AUTS2: variants seen among roughly 807,000 people sequenced by gnomAD.
AUTS2 encodes activator of transcription and developmental regulator AUTS2.
A neutral mutation model predicts 112.4 loss-of-function variants in AUTS2; 17 were observed. The ratio of observed to expected loss-of-function variants is 0.15; its 90% confidence interval spans 0.10 to 0.23. The LOEUF is 0.23. Ranked by LOEUF, AUTS2 falls within the 10% of genes least tolerant of loss-of-function variation. The pLI is 1.00. For missense variants in AUTS2, 1,510 were observed against 1,701.6 expected (o/e 0.89, Z 1.98); for synonymous variants, 751 against 702.7 (o/e 1.07, Z -1.09).
intron 4 of AUTS2, among the ~76,000 whole-genome samples, chr7:70,424,822 A>T (rs954200027): frequency 6.6e-6 from 1 of 152,132 alleles, no homozygotes; most frequent in Non-Finnish European, 1.5e-5. Context: ...TCTGGGCTCA[A>T]GAGATCATCC....
chr7:70,012,100 A>G (rs1174044718), intron 2 of AUTS2, among the ~76,000 whole-genome samples: 3 of 152,154 alleles, frequency 2.0e-5, no homozygotes, highest in Non-Finnish European at 2.9e-5. Flanking sequence ...TACTTTCTGC[A>G]AAGCGTTGAT....
chr7:70,030,923 A>G (rs1800747901), intron 2 of AUTS2, among the ~76,000 whole-genome samples: 1 of 152,082 alleles, frequency 6.6e-6, no homozygotes. Context: ...CTTGGGTTGT[A>G]TGGGACCATG....
chr7:70,330,448 T>C (rs1790689647), intron 4 of AUTS2, among the ~76,000 whole-genome samples: 1 of 152,262 alleles, frequency 6.6e-6, no homozygotes, highest in Admixed American at 6.5e-5. Flanking sequence ...CATATGGGTT[T>C]ATTTCTCAAC....
chr7:69,859,195 C>G (rs1214626965), intron 1 of AUTS2, among the ~76,000 whole-genome samples: 1 of 152,068 alleles, frequency 6.6e-6, no homozygotes, highest in Non-Finnish European at 1.5e-5. Flanking sequence ...TAAAATTACT[C>G]CAGTGGGATA....
At chr7:70,597,194 C>T (rs1803250922) in intron 5 of AUTS2, among the ~76,000 whole-genome samples, 1 of 152,134 alleles carries the variant, frequency 6.6e-6, no homozygotes, top group South Asian at 2.1e-4. Flanking sequence ...GATGTAACAG[C>T]TTGGGCCAAG....
chr7:70,607,559 A>T (rs1421318319), intron 5 of AUTS2, among the ~76,000 whole-genome samples: 2 of 152,166 alleles, frequency 1.3e-5, no homozygotes, highest in African/African-American at 4.8e-5. Flanking sequence ...ATGCTGGGTG[A>T]TTTCTACCTG....
chr7:70,252,679 C>T (rs1304683616), intron 4 of AUTS2, among the ~76,000 whole-genome samples: 3 of 151,972 alleles, frequency 2.0e-5, no homozygotes, highest in South Asian at 2.1e-4. Flanking sequence ...TGTTGTGGAA[C>T]GTTTTCCTAT....
At chr7:69,978,243 C>T (rs559261586) in intron 2 of AUTS2, among the ~76,000 whole-genome samples, 58 of 152,328 alleles carry the variant, frequency 3.8e-4, no homozygotes, top group African/African-American at 1.4e-3. Context: ...CATACATTTG[C>T]ATCTTCATAC....
At chr7:70,756,048 A>T (rs894041141) in intron 6 of AUTS2, among the ~76,000 whole-genome samples, 2 of 152,178 alleles carry the variant, frequency 1.3e-5, no homozygotes, top group Admixed American at 6.5e-5. Context: ...CAATATGAGA[A>T]TTAAAGTCAA....
At chr7:70,625,420 G>A (rs2057914) in intron 5 of AUTS2, among the ~76,000 whole-genome samples, 138,559 of 152,294 alleles carry the variant, frequency 0.91, 63,224 homozygotes, top group African/African-American at 0.96. Flanking sequence ...ATACTTGACA[G>A]TCACAGCTCT....
At chr7:70,571,756 C>T (rs1027026047) in intron 5 of AUTS2, among the ~76,000 whole-genome samples, 5 of 152,142 alleles carry the variant, frequency 3.3e-5, no homozygotes, top group Non-Finnish European at 4.4e-5. Context: ...AAGGGGAGGA[C>T]GTGTCAGCCC....
intron 4 of AUTS2, among the ~76,000 whole-genome samples, chr7:70,256,630 G>A (rs910261677): frequency 2.0e-5 from 3 of 152,164 alleles, no homozygotes; most frequent in Non-Finnish European, 4.4e-5. Flanking sequence ...ACACATCACC[G>A]TGGCTGACCA....
chr7:69,771,409 T>C (rs144797812), intron 1 of AUTS2, among the ~76,000 whole-genome samples: 2 of 152,268 alleles, frequency 1.3e-5, no homozygotes, highest in East Asian at 3.9e-4. Context: ...GGCACAGTGT[T>C]GAACACGGGG....
At chr7:70,744,567 G>C (rs1788321850) in intron 6 of AUTS2, among the ~76,000 whole-genome samples, 1 of 152,188 alleles carries the variant, frequency 6.6e-6, no homozygotes, top group Non-Finnish European at 1.5e-5. Flanking sequence ...TATTGATTTT[G>C]TGAACCCGGG....
intron 4 of AUTS2, among the ~76,000 whole-genome samples, chr7:70,288,910 A>T (rs1304297878): frequency 1.3e-5 from 2 of 152,210 alleles, no homozygotes; most frequent in East Asian, 1.9e-4. Context: ...AGCGTAATAC[A>T]TCATGAATGA....
At chr7:69,915,679 A>G (rs895665880) in intron 2 of AUTS2, among the ~76,000 whole-genome samples, 5 of 152,214 alleles carry the variant, frequency 3.3e-5, no homozygotes, top group Non-Finnish European at 2.9e-5. Context: ...TTGGAAGTAG[A>G]TTATTTTTGA....
intron 4 of AUTS2, among the ~76,000 whole-genome samples, chr7:70,270,195 C>T (rs937546761): frequency 6.6e-6 from 1 of 152,098 alleles, no homozygotes; most frequent in African/African-American, 2.4e-5. Context: ...ATGAATATAA[C>T]ATGATTATCT....
rs571436888 is a variant in AUTS2 at position 70,335,807 on chromosome 7, C to A, written c.661-99945C>A. Among the ~76,000 whole-genome samples, 12 of 152,242 alleles carry A rather than the reference C, an allele frequency of 7.9e-5. No homozygotes were observed. In the South Asian group the frequency reaches 2.5e-3, roughly 32 times the overall value. On this transcript the variant is annotated intron_variant, in intron 4 of 18. Transcript: ENST00000342771. ...AATGCATACATCCATTGTTGCAAGG[C>A]CTTTATTTCCTTATCACCATCATCA...
intron 5 of AUTS2, among the ~76,000 whole-genome samples, chr7:70,612,240 G>C (rs147852933): frequency 1.2e-3 from 176 of 152,244 alleles, no homozygotes; most frequent in Admixed American, 2.6e-3. Context: ...CATCAGAATT[G>C]ACTGTTTAAT....
Sources: gnomAD v4.1 joint callset for allele counts (sites outside exome capture counted in the v4.1 genomes callset) on GRCh38, gnomAD v4.1.1 for gene constraint, MANE v1.5 for transcripts, NCBI Gene and HGNC (gene_info 2026-07-23, HGNC 2026-07-21) for gene names.